The following FHIT variants were observed in gnomAD, a reference collection of about 807,000 sequenced individuals.
FHIT encodes the protein fragile histidine triad diadenosine triphosphatase.
In FHIT, 19 loss-of-function variants were observed where a neutral mutation model predicts 17.9. That is an observed-to-expected ratio of 1.06 (90% CI 0.74 to 1.56). FHIT has a LOEUF of 1.56. FHIT is among the 40% of genes most tolerant of loss of function. FHIT has a pLI of 0.00. For missense variants in FHIT, 248 were observed against 189.2 expected, an observed-to-expected ratio of 1.31 and a Z score of -1.82; for synonymous variants, 81 against 69.7, an observed-to-expected ratio of 1.16 and a Z score of -0.81.
At chr3:60,986,211 A>C (rs1710714352) in intron 3 of FHIT, among the ~76,000 whole-genome samples, 1 of 152,136 alleles carries the variant, frequency 6.6e-6, no homozygotes, top group Admixed American at 6.5e-5. Flanking sequence ...TCAGTCTACC[A>C]CACCAAGTGA....
chr3:59,764,028 C>G (rs1701666945), intron 8 of FHIT, among the ~76,000 whole-genome samples: 1 of 152,176 alleles, frequency 6.6e-6, no homozygotes, highest in Non-Finnish European at 1.5e-5. Context: ...ACTCAGTGAG[C>G]TGAAGGTAGA....
At chr3:59,958,308 T>C (rs1707501287) in intron 7 of FHIT, among the ~76,000 whole-genome samples, 2 of 152,208 alleles carry the variant, frequency 1.3e-5, no homozygotes. Context: ...TGTGTATTGA[T>C]TCTTTTAATA....
intron 5 of FHIT, among the ~76,000 whole-genome samples, chr3:60,361,583 T>C (rs1699908365): frequency 6.6e-6 from 1 of 152,112 alleles, no homozygotes; most frequent in Admixed American, 6.6e-5. Context: ...GGTGACAAGT[T>C]TCTTTGGGCA....
intron 5 of FHIT, among the ~76,000 whole-genome samples, chr3:60,158,323 TC>T (rs1700794664): frequency 6.6e-6 from 1 of 150,436 alleles, no homozygotes; most frequent in Admixed American, 6.6e-5. Flanking sequence ...AATTTCTCTC[TC>T]TTTTTTTTTT....
intron 4 of FHIT, among the ~76,000 whole-genome samples, chr3:60,566,765 A>C (rs555589308): frequency 6.6e-6 from 1 of 151,968 alleles, no homozygotes. Flanking sequence ...GCAAAGTCTC[A>C]AGATACAAAA....
chr3:60,627,996 T>C (rs2039338429), intron 4 of FHIT, among the ~76,000 whole-genome samples: 1 of 152,218 alleles, frequency 6.6e-6, no homozygotes, highest in Non-Finnish European at 1.5e-5. Context: ...TATTATTTTC[T>C]TCTGCTTTGT....
chr3:59,943,036 A>C (rs1027300512), intron 7 of FHIT, among the ~76,000 whole-genome samples: 2 of 152,080 alleles, frequency 1.3e-5, no homozygotes, highest in Admixed American at 6.6e-5. Context: ...TGAACCCATT[A>C]TTTTGAGCAT....
At chr3:60,452,293 A>G (rs410351) in intron 5 of FHIT, among the ~76,000 whole-genome samples, 29,614 of 152,066 alleles carry the variant, frequency 0.19, 4,764 homozygotes, top group African/African-American at 0.44. Context: ...AGCGATTCAT[A>G]TGCTTTATCT....
chr3:60,685,440 C>T (rs1015783208), intron 4 of FHIT, among the ~76,000 whole-genome samples: 28 of 152,104 alleles, frequency 1.8e-4, no homozygotes, highest in African/African-American at 6.8e-4. Context: ...AGAAAGCAAA[C>T]CATGTTATGT....
chr3:59,804,582 G>C (rs1343489754), intron 8 of FHIT, among the ~76,000 whole-genome samples: 1 of 152,212 alleles, frequency 6.6e-6, no homozygotes, highest in Non-Finnish European at 1.5e-5. Context: ...GGTCTAAATA[G>C]CCTCTAGAGG....
intron 5 of FHIT, among the ~76,000 whole-genome samples, chr3:60,436,700 A>G (rs910022214): frequency 3.3e-5 from 5 of 152,134 alleles, no homozygotes; most frequent in Admixed American, 1.3e-4. Flanking sequence ...CGCTGCCTTC[A>G]TGGAGTCTAT....
chr3:60,825,947 A>G (rs1270043884), intron 3 of FHIT, among the ~76,000 whole-genome samples: 4 of 152,036 alleles, frequency 2.6e-5, no homozygotes, highest in African/African-American at 9.7e-5. Context: ...ACAGGACATT[A>G]TTGGTGAAAA....
chr3:60,444,272 G>A (rs534812843), intron 5 of FHIT, among the ~76,000 whole-genome samples: 6 of 152,278 alleles, frequency 3.9e-5, no homozygotes, highest in African/African-American at 1.2e-4. Flanking sequence ...CAACCACTGT[G>A]GAAGTCAGTG....
chr3:60,698,042 G>A (rs6446149), intron 4 of FHIT, among the ~76,000 whole-genome samples: 2,593 of 152,248 alleles, frequency 0.017, 67 homozygotes, highest in African/African-American at 0.058. Flanking sequence ...ACCACTCTGA[G>A]CGATAATTAT....
At chr3:60,834,167 G>A (rs951814295) in intron 3 of FHIT, among the ~76,000 whole-genome samples, 1 of 152,172 alleles carries the variant, frequency 6.6e-6, no homozygotes, top group African/African-American at 2.4e-5. Context: ...ATAAGTGCAT[G>A]TTTAATTTTG....
chr3:60,800,181 T>C (rs1218750341), intron 4 of FHIT, among the ~76,000 whole-genome samples: 2 of 152,272 alleles, frequency 1.3e-5, no homozygotes, highest in African/African-American at 4.8e-5. Flanking sequence ...CTCTCTGCCT[T>C]CTCAAATATT....
chr3:60,252,360 A>T (rs558055390), intron 5 of FHIT, among the ~76,000 whole-genome samples: 2 of 152,164 alleles, frequency 1.3e-5, no homozygotes, highest in Non-Finnish European at 2.9e-5. Context: ...CCTGGGCAAC[A>T]TAGCGAAACC....
At chr3:60,112,442 T>A (rs1168023267) in intron 5 of FHIT, among the ~76,000 whole-genome samples, 2 of 152,170 alleles carry the variant, frequency 1.3e-5, no homozygotes, top group Non-Finnish European at 2.9e-5. Flanking sequence ...CACTGCTGCT[T>A]CTGCCATCCC....
chr3:61,010,555 G>T (rs2031732357), intron 3 of FHIT, among the ~76,000 whole-genome samples: 1 of 152,124 alleles, frequency 6.6e-6, no homozygotes, highest in African/African-American at 2.4e-5. Flanking sequence ...GGTAAATCTG[G>T]ACTAAACAAC....
Sources: allele counts gnomAD v4.1 joint callset (sites outside exome capture counted in the v4.1 genomes callset), GRCh38; gene constraint gnomAD v4.1.1; transcripts MANE v1.5; gene names NCBI Gene and HGNC (gene_info 2026-07-23, HGNC 2026-07-21).